Variants in NFIA observed in about 807,000 individuals in gnomAD.
NFIA encodes the protein nuclear factor 1 A-type.
NFIA carries 8 observed loss-of-function variants against 62.8 expected under a neutral mutation model. That is an observed-to-expected ratio of 0.13 (90% CI 0.07 to 0.23). NFIA has a LOEUF of 0.23. Among genes scored for constraint, NFIA ranks in the 10% least tolerant of loss-of-function variants. The pLI is 1.00. For synonymous variants in NFIA, 235 were observed against 238.1 expected (o/e 0.99, Z 0.12); for missense variants, 410 against 642.1 (o/e 0.64, Z 3.91).
At chr1:61,448,448 C>T (rs780250800) in intron 10 of NFIA, among the ~76,000 whole-genome samples, 4 of 152,274 alleles carry the variant, frequency 2.6e-5, no homozygotes, top group Non-Finnish European at 4.4e-5. Context: ...TTGGGTCTCA[C>T]GTGGACCCTA....
At chr1:61,207,078 G>A (rs890078838) in intron 2 of NFIA, among the ~76,000 whole-genome samples, 3 of 152,204 alleles carry the variant, frequency 2.0e-5, no homozygotes, top group Admixed American at 6.5e-5. Context: ...TTGTGGAGGA[G>A]CTGGGGACCC....
intron 2 of NFIA, among the ~76,000 whole-genome samples, chr1:61,236,644 C>T (rs1655032473): frequency 6.7e-6 from 1 of 149,148 alleles, no homozygotes; most frequent in African/African-American, 2.5e-5. Flanking sequence ...CAAGAAAGGA[C>T]TTCTTTCTTG....
chr1:61,157,591 T>C (rs767063952), intron 2 of NFIA, among the ~76,000 whole-genome samples: 7 of 152,144 alleles, frequency 4.6e-5, no homozygotes, highest in African/African-American at 7.2e-5. Flanking sequence ...TGTGTATGGT[T>C]TAAATTAAAC....
intron 3 of NFIA, among the ~76,000 whole-genome samples, chr1:61,279,580 A>G (rs1464598565): frequency 2.0e-5 from 3 of 152,188 alleles, no homozygotes; most frequent in Non-Finnish European, 4.4e-5. Context: ...GTATTTGTGC[A>G]TAATCTCCCT....
At chr1:61,297,304 T>C (rs1408106312) in intron 3 of NFIA, among the ~76,000 whole-genome samples, 1 of 152,206 alleles carries the variant, frequency 6.6e-6, no homozygotes, top group African/African-American at 2.4e-5. Flanking sequence ...TCTTCCACTT[T>C]TGTATTTCCT....
intron 2 of NFIA, among the ~76,000 whole-genome samples, chr1:61,152,188 A>T (rs1479903199): frequency 6.6e-6 from 1 of 152,210 alleles, no homozygotes; most frequent in African/African-American, 2.4e-5. Context: ...GTGCCTAATC[A>T]TATGGTCTAT....
chr1:61,330,988 T>G (rs1435168579), intron 3 of NFIA, among the ~76,000 whole-genome samples: 1 of 152,184 alleles, frequency 6.6e-6, no homozygotes, highest in Admixed American at 6.5e-5. Flanking sequence ...AAGACCTCAT[T>G]AGAGAATTTT....
intron 2 of NFIA, among the ~76,000 whole-genome samples, chr1:61,236,668 T>G (rs1655033426): frequency 6.6e-6 from 1 of 152,144 alleles, no homozygotes; most frequent in Admixed American, 6.5e-5. Context: ...GTGATCATTT[T>G]GTTATTTTTG....
At chr1:61,162,874 CAG>C (rs949227175) in intron 2 of NFIA, among the ~76,000 whole-genome samples, 2 of 147,526 alleles carry the variant, frequency 1.4e-5, no homozygotes, top group African/African-American at 5.0e-5. Flanking sequence ...TGAGGAAAAA[CAG>C]AGTGAAAGTT....
At chr1:61,130,916 G>A (rs1181496358) in intron 2 of NFIA, among the ~76,000 whole-genome samples, 1 of 152,174 alleles carries the variant, frequency 6.6e-6, no homozygotes, top group Non-Finnish European at 1.5e-5. Flanking sequence ...TCACAGACTA[G>A]GGCTATGACA....
At chr1:61,434,880 C>T (rs1667261168) in intron 10 of NFIA, among the ~76,000 whole-genome samples, 1 of 151,978 alleles carries the variant, frequency 6.6e-6, no homozygotes. Context: ...GACCAAAAAT[C>T]TGCTATCCAT....
rs771405919 is a variant in NFIA at position 61,359,105 on chromosome 1, G to T, written c.819-42G>T. ...GAGGTGCAGTGTCCAAGAGAAAGGT[G>T]GTTGCGATTGCTTTTAAACATGCAC... On this transcript the variant is annotated intron_variant, in intron 5 of 10. Coordinates refer to ENST00000403491, the MANE Select transcript of NFIA (RefSeq NM_001134673.4). 5 of 1,604,754 alleles carry T rather than the reference G, an allele frequency of 3.1e-6. No homozygotes were observed. In the South Asian group the frequency reaches 5.5e-5, roughly 18 times the overall value.
At chr1:61,448,441 G>T (rs1456818124) in intron 10 of NFIA, among the ~76,000 whole-genome samples, 1 of 152,124 alleles carries the variant, frequency 6.6e-6, no homozygotes, top group African/African-American at 2.4e-5. Flanking sequence ...GGGGACGTTG[G>T]GTCTCACGTG....
intron 3 of NFIA, among the ~76,000 whole-genome samples, chr1:61,321,157 A>G (rs558062594): frequency 6.6e-6 from 1 of 151,956 alleles, no homozygotes; most frequent in Admixed American, 6.5e-5. Context: ...TACTGATACT[A>G]TGCTAATTAC....
intron 2 of NFIA, among the ~76,000 whole-genome samples, chr1:61,168,574 G>A (rs1649738673): frequency 6.6e-6 from 1 of 152,174 alleles, no homozygotes; most frequent in South Asian, 2.1e-4. Flanking sequence ...CTAGAGATAT[G>A]TGAAGATTAT....
At chr1:61,106,100 C>CATCTATCTATCT (rs58274631) in intron 2 of NFIA, among the ~76,000 whole-genome samples, 16,007 of 149,078 alleles carry the variant, frequency 0.11, 1,136 homozygotes, top group East Asian at 0.24. Flanking sequence ...CTCTCTCATG[C>CATCTATCTATCT]ATCTATCTAT....
At chr1:61,390,261 TAAC>T (rs766936597) in intron 7 of NFIA, among the ~76,000 whole-genome samples, 1 of 151,998 alleles carries the variant, frequency 6.6e-6, no homozygotes, top group Non-Finnish European at 1.5e-5. Flanking sequence ...TGCTCTTAGA[TAAC>T]TAAGTACCAA....
chr1:61,311,511 G>A (rs1437870088), intron 3 of NFIA, among the ~76,000 whole-genome samples: 1 of 152,144 alleles, frequency 6.6e-6, no homozygotes, highest in Non-Finnish European at 1.5e-5. Context: ...GTTCTGTCAC[G>A]TGCATTGTCC....
chr1:61,382,585 C>T (rs553903909), intron 6 of NFIA, among the ~76,000 whole-genome samples: 27 of 152,142 alleles, frequency 1.8e-4, no homozygotes, highest in Non-Finnish European at 2.9e-4. Context: ...TTGTAATTGC[C>T]TTTTTCAATT....
Sources: allele counts gnomAD v4.1 joint callset (sites outside exome capture counted in the v4.1 genomes callset), GRCh38; gene constraint gnomAD v4.1.1; transcripts MANE v1.5; gene names NCBI Gene and HGNC (gene_info 2026-07-23, HGNC 2026-07-21).